The following PLXNA4 variants were observed in gnomAD, a reference collection of about 807,000 sequenced individuals.
The protein encoded by PLXNA4 is plexin-A4.
A neutral mutation model predicts 191.8 loss-of-function variants in PLXNA4; 44 were observed. The observed-to-expected ratio is 0.23, with a 90% CI of 0.18 to 0.29. The LOEUF is 0.29. PLXNA4 is among the 10% of genes least tolerant of loss of function. The pLI is 1.00. For missense variants in PLXNA4, 1,800 were observed against 2,488.8 expected (o/e 0.72, Z 5.89); for synonymous variants, 1,082 against 1,009.5 (o/e 1.07, Z -1.36).
At chr7:132,384,964 C>T (rs1805060141) in intron 3 of PLXNA4, 13 of 1,350,314 alleles carry the variant, frequency 9.6e-6, no homozygotes, top group Non-Finnish European at 1.1e-5. Flanking sequence ...TCCAAAATTA[C>T]CCATGGGACG....
chr7:132,307,034 G>C (rs1801549964), intron 3 of PLXNA4, among the ~76,000 whole-genome samples: 1 of 152,112 alleles, frequency 6.6e-6, no homozygotes, highest in African/African-American at 2.4e-5. Context: ...GAGCTGCCTA[G>C]TTTGCAGGCT....
intron 2 of PLXNA4, among the ~76,000 whole-genome samples, chr7:132,588,674 G>GGGAAC (rs1289101577): frequency 8.3e-6 from 1 of 120,276 alleles, no homozygotes; most frequent in East Asian, 2.7e-4. Flanking sequence ...GGGAAGGGAA[G>GGGAAC]GGAAGGGAGG....
At chr7:132,164,067 C>A in intron 24 of PLXNA4, 75 bp downstream of exon 24, 1 of 1,588,210 alleles carries the variant, frequency 6.3e-7, no homozygotes. Context: ...TCAGCCATCT[C>A]CACTGCTGAG....
Position 132,553,388 on chromosome 7 carries a change from G to C in PLXNA4, c.-87+23034C>G, listed in dbSNP as rs142224292. ...GTCAGAAGGATCTCCAGGTTCCCCA[G>C]ACCCATCAGAAAAGCCAAGGGGTGA... On this transcript the variant is annotated intron_variant, in intron 1 of 31. Transcript: ENST00000321063. 5.4e-3 allele frequency among the ~76,000 whole-genome samples: 823 copies of C among 152,254 alleles called. 5 individuals carry two copies. The highest frequency in any genetic ancestry group is 8.7e-3 in the Non-Finnish European group (591 of 68,008).
At chr7:132,136,101 C>A (rs1022973399) in intron 30 of PLXNA4, among the ~76,000 whole-genome samples, 2 of 152,056 alleles carry the variant, frequency 1.3e-5, no homozygotes, top group African/African-American at 4.8e-5. Context: ...CTGTCTTGAC[C>A]CCTCCTGCTC....
At chr7:132,238,595 C>A (rs1798779409) in intron 5 of PLXNA4, among the ~76,000 whole-genome samples, 1 of 152,214 alleles carries the variant, frequency 6.6e-6, no homozygotes, top group Admixed American at 6.5e-5. Flanking sequence ...ACAGCCCCTG[C>A]CTTCTGAGAG....
At chr7:132,601,650 C>A (rs1802823044) in intron 2 of PLXNA4, among the ~76,000 whole-genome samples, 2 of 152,206 alleles carry the variant, frequency 1.3e-5, no homozygotes, top group Admixed American at 6.5e-5. Context: ...TACCCGGAAG[C>A]TTTCATGGTA....
chr7:132,247,222 C>T (rs1391485994), intron 4 of PLXNA4, among the ~76,000 whole-genome samples: 1 of 152,158 alleles, frequency 6.6e-6, no homozygotes, highest in East Asian at 1.9e-4. Flanking sequence ...CATGCAGTCT[C>T]TGTGTGTATC....
chr7:132,613,552 G>A (rs898386125), intron 2 of PLXNA4, among the ~76,000 whole-genome samples: 1 of 152,210 alleles, frequency 6.6e-6, no homozygotes, highest in Non-Finnish European at 1.5e-5. Context: ...TCTGGTGGCT[G>A]AGTGGATATG....
chr7:132,150,291 GTTT>G (rs778086300), intron 25 of PLXNA4, among the ~76,000 whole-genome samples: 16 of 152,090 alleles, frequency 1.1e-4, no homozygotes, highest in Admixed American at 3.9e-4. Context: ...TTTTTGTTTT[GTTT>G]TTTATTTTAT....
At chr7:132,451,297 G>A (rs1415915508) in intron 3 of PLXNA4, among the ~76,000 whole-genome samples, 1 of 152,068 alleles carries the variant, frequency 6.6e-6, no homozygotes, top group Non-Finnish European at 1.5e-5. Context: ...CTGCACCCTG[G>A]GCCTCCTCTT....
At chr7:132,396,938 G>A (rs573158726) in intron 3 of PLXNA4, among the ~76,000 whole-genome samples, 11 of 152,366 alleles carry the variant, frequency 7.2e-5, no homozygotes, top group African/African-American at 2.6e-4. Flanking sequence ...AGAGCCTCCA[G>A]GGGCGGCCCT....
At chr7:132,312,185 T>C (rs1801771809) in intron 3 of PLXNA4, among the ~76,000 whole-genome samples, 1 of 151,792 alleles carries the variant, frequency 6.6e-6, no homozygotes, top group African/African-American at 2.4e-5. Context: ...AGTGCCTGTA[T>C]GGGTTACTCC....
intron 29 of PLXNA4, 25 bp from the exon 30 acceptor site, chr7:132,140,836 G>A: frequency 3.7e-6 from 6 of 1,613,048 alleles, no homozygotes; most frequent in South Asian, 1.1e-5. Context: ...GAGGCAGATG[G>A]TCAGGAAAGA....
At position 132,616,806 on chromosome 7, in the gene PLXNA4, C is replaced by T. The variant is rs146930227; in HGVS notation, c.-87+29122G>A. Among the ~76,000 whole-genome samples the T allele has an allele frequency of 5.5e-3, 839 of 152,274 alleles. 7 individuals carry two copies. The highest frequency in any genetic ancestry group is 0.037 in the Middle Eastern group (11 of 294). ...CTGCGTTTACCCACCGGCCCTTTCA[C>T]GGGTCATCTCTGTGGTAGACTGTGC... On this transcript the variant is annotated intron_variant, in intron 2 of 4. Transcript: ENST00000378539.
chr7:132,351,612 C>T (rs865966780), intron 3 of PLXNA4, among the ~76,000 whole-genome samples: 15 of 152,208 alleles, frequency 9.9e-5, no homozygotes, highest in African/African-American at 3.6e-4. Flanking sequence ...TGAGGTACTT[C>T]CCATCCACCT....
chr7:132,496,793 G>A (rs910033300), intron 2 of PLXNA4, among the ~76,000 whole-genome samples: 1 of 152,154 alleles, frequency 6.6e-6, no homozygotes, highest in Non-Finnish European at 1.5e-5. Flanking sequence ...GCAGGGGACT[G>A]CTGGGGAAGA....
At chr7:132,188,951 G>GAGGAAAGGAAAGGAAAGGAAAGGAA (rs755898295) in intron 14 of PLXNA4, among the ~76,000 whole-genome samples, 8 of 50,068 alleles carry the variant, frequency 1.6e-4, no homozygotes, top group Non-Finnish European at 3.3e-4. Flanking sequence ...CCTTCCCAGA[G>GAGGAAAGGAAAGGAAAGGAAAGGAA]AGGAAAGGAA....
In PLXNA4 at chr7:132,179,833, G is replaced by T. The variant is rs751045622; in HGVS notation, c.3728C>A (p.Ala1243Glu). 1 of 1,613,418 alleles carries T rather than the reference G, an allele frequency of 6.2e-7. No homozygotes were observed. ...PLSLPAIVSIAVAGGLLIIFI... is the reference protein window; with the variant it reads ...PLSLPAIVSIEVAGGLLIIFI... ...AATGATGAGGAGGCCGCCAGCCACT[G>T]CGATGCTGACGATGGCGGGCAGGCT... Residue 1243 changes from alanine to glutamate, a missense_variant, in exon 20 of 32, where the codon GCA becomes GAA. Around this residue, in one of 6 missense-constraint regions of PLXNA4, gnomAD observed 1,397 missense variants for 1,880.4 expected, o/e 0.74. Coordinates refer to ENST00000321063, the MANE Select transcript of PLXNA4 (RefSeq NM_020911.2).
Sources: allele counts gnomAD v4.1 joint callset (sites outside exome capture counted in the v4.1 genomes callset), GRCh38; gene constraint gnomAD v4.1.1; regional missense constraint gnomAD v4.1.1; transcripts MANE v1.5; gene names NCBI Gene and HGNC (gene_info 2026-07-23, HGNC 2026-07-21).